LMNTD2: variants seen among roughly 807,000 people sequenced by gnomAD.
The protein encoded by LMNTD2 is lamin tail domain-containing protein 2.
A neutral mutation model predicts 70.1 loss-of-function variants in LMNTD2; 83 were observed. The observed-to-expected ratio is 1.18, with a 90% CI of 0.99 to 1.42. LMNTD2 has a LOEUF of 1.42. Ranked by LOEUF, LMNTD2 falls within the 40% of genes most tolerant of loss-of-function variation. The pLI, the probability that LMNTD2 is intolerant of heterozygous loss-of-function variation, is 0.00. For missense variants in LMNTD2, 1,153 were observed against 905.9 expected, an observed-to-expected ratio of 1.27 and a Z score of -3.50; for synonymous variants, 534 against 406.1, an observed-to-expected ratio of 1.31 and a Z score of -3.79.
In LMNTD2 at chr11:555,936, G is replaced by A. The variant is rs749383860; in HGVS notation, c.1378-6C>T. The A allele has an allele frequency of 1.9e-6, 3 of 1,557,594 alleles. No homozygotes were observed. Among genetic ancestry groups the A allele is most frequent in the Admixed American group, 1.9e-5 (1 of 52,710 alleles). ...ATCCGGTGCTCACTGAGGACCTGCG[G>A]GGCGCGTCGGTCACCCCCACACCCC... is the stretch of plus-strand genomic sequence containing the variant. On this transcript the variant is annotated splice_polypyrimidine_tract_variant and splice_region_variant and intron_variant, in intron 11 of 13. Coordinates refer to ENST00000329451, the MANE Select transcript of LMNTD2 (RefSeq NM_173573.3).
At position 555,453 on chromosome 11, in the gene LMNTD2, C is replaced by T; in HGVS notation, c.1625G>A (p.Arg542Gln). Residue 542 changes from arginine (R) to glutamine (Q), a missense_variant, in exon 13 of 14, where the codon CGG becomes CAG. By Grantham distance (43) the Arg-to-Gln change is conservative. Transcript: ENST00000329451. ...GTTCTCGGGCCGCGCAGGCCCCTCC[C>T]GCGCGTGGAAGAGCTTCCCCGAGCT... is the stretch of plus-strand genomic sequence containing the variant. ...PVSSGKLFHA[R>Q]EGPARPENPE... is the part of the protein sequence containing the mutation. 4 of 1,377,112 alleles carry T rather than the reference C, an allele frequency of 2.9e-6. No individual in the cohort carries two copies. Among genetic ancestry groups the T allele is most frequent in the Non-Finnish European group, 3.7e-6 (4 of 1,071,166 alleles). 85.3% of individuals were successfully genotyped at this position (1,377,112 alleles called of 1,614,324 possible).
chr11:556,155 C>G, intron 10 of LMNTD2, 37 bp downstream of exon 10: 1 of 1,313,824 alleles, frequency 7.6e-7, no homozygotes, highest in Non-Finnish European at 9.6e-7. Flanking sequence ...GCGGCCGGGC[C>G]GGGCCGTCGG....
In LMNTD2 at chr11:555,885, T is replaced by A; in HGVS notation, c.1423A>T (p.Arg475Trp). The change falls in exon 12 of 14, where the codon AGG becomes TGG. Residue 475 changes from arginine to tryptophan, a missense_variant. Transcript: ENST00000329451. Reference protein sequence around the residue: ...RIPRRETPAPRVFADGTDLSI... With the variant: ...RIPRRETPAPWVFADGTDLSI... ...AAGTCGGTGCCGTCGGCGAAGACCC[T>A]CGGGGCCGGAGTCTCGCGGCGTGGG... 1 of 1,564,848 alleles carries A rather than the reference T, an allele frequency of 6.4e-7. No homozygotes were observed. The highest frequency in any genetic ancestry group is 1.2e-5 in the South Asian group (1 of 86,510).
Position 557,062 on chromosome 11 carries a change from C to T in LMNTD2, c.749G>A (p.Ser250Asn). 2 of 1,606,794 alleles carry T rather than the reference C, an allele frequency of 1.2e-6. No individual in the cohort carries two copies. The highest frequency in any genetic ancestry group is 1.7e-6 in the Non-Finnish European group (2 of 1,177,626). ...GGAATGCTTTCCAGAGGACTCTGGG[C>T]TCCCTGTGTCCAGCTGTGGCCAGGG... ...PRPWPQLDTG[S>N]PESSGKHSER... Residue 250 changes from serine (S) to asparagine (N), a missense_variant, in exon 8 of 14, where the codon AGC (serine) becomes AAC (asparagine). Physicochemically the swap from Ser to Asn is conservative, Grantham distance 46. Coordinates refer to ENST00000329451, the MANE Select transcript of LMNTD2 (RefSeq NM_173573.3).
Position 555,746 on chromosome 11 carries a change from C to T in LMNTD2, c.1562G>A (p.Arg521His). ...KGRVREPRVS[R>H]RRPGTRGLLP... The stretch of plus-strand genomic sequence containing the variant: ...CCGCGGTCCCCACCCTGGTCTCCGG[C>T]GACTGACCCGGGGCTCCCGCACCCG... Residue 521 changes from arginine to histidine, a missense_variant, in exon 12 of 14, where the codon CGC becomes CAC. Arg to His is a conservative substitution (Grantham distance 29). Transcript: ENST00000329451. 4.2e-6 allele frequency: 6 copies of T among 1,413,858 alleles called. No homozygotes were observed. The highest frequency in any genetic ancestry group is 4.6e-6 in the Non-Finnish European group (5 of 1,096,164). The allele number at this position is 1,413,858 out of a possible 1,614,324, so 87.6% of individuals were successfully genotyped here. A position where few individuals can be genotyped will look rare whatever the true frequency, so the allele number is the denominator to read the frequency against.
chr11:560,732 G>C lies in LMNTD2; in HGVS notation c.-16C>G, dbSNP rs561079573. Reference sequence around the variant, plus strand: ...GCCACCGCATTTCCGCGTTTTTCGCGGTAGGCGGGAGGTGGGGGCGGGGAC... The same window carrying C: ...GCCACCGCATTTCCGCGTTTTTCGCCGTAGGCGGGAGGTGGGGGCGGGGAC... On this transcript the variant is annotated 5_prime_UTR_variant, in exon 1 of 14. Transcript: ENST00000329451. 2.1e-6 allele frequency: 3 copies of C among 1,427,098 alleles called. No individual in the cohort carries two copies. The highest frequency in any genetic ancestry group is 2.8e-6 in the Non-Finnish European group (3 of 1,083,488). 88.4% of individuals were successfully genotyped at this position (1,427,098 alleles called of 1,614,324 possible).
Position 555,787 on chromosome 11 carries a change from T to A in LMNTD2, c.1521A>T (p.Arg507=). The stretch of plus-strand genomic sequence containing the variant: ...CCCGCACCCGGCCTTTGCGCAGGGG[T>A]CGAGGTGGGCGCGGCGGCTTGCGGG... The part of the protein sequence containing the change: ...ADTRKPPRPP[R]PLRKGRVREP... Residue 507 remains arginine (R), a synonymous_variant, in exon 12 of 14, where the codon CGA becomes CGT. Coordinates refer to ENST00000329451, the MANE Select transcript of LMNTD2 (RefSeq NM_173573.3). The A allele has an allele frequency of 6.6e-7, 1 of 1,508,384 alleles. No individual in the cohort carries two copies. The highest frequency in any genetic ancestry group is 8.8e-7 in the Non-Finnish European group (1 of 1,141,262). The allele number at this position is 1,508,384 out of a possible 1,614,324, so 93.4% of individuals were successfully genotyped here.
rs530319559 is a variant in LMNTD2, at chr11:557,491, G to T, written c.625-4C>A. On this transcript the variant is annotated splice_region_variant and splice_polypyrimidine_tract_variant and intron_variant, in intron 6 of 13. Coordinates refer to ENST00000329451, the MANE Select transcript of LMNTD2 (RefSeq NM_173573.3). ...CCACGTCCTCCAGCCGAAAGCCCTGGCCAGGAAGCAAGAGGCACATGGTCC... is the reference window on the plus strand; with the variant it reads ...CCACGTCCTCCAGCCGAAAGCCCTGTCCAGGAAGCAAGAGGCACATGGTCC... 6.2e-7 allele frequency: 1 copy of T among 1,612,870 alleles called. No homozygotes were observed. The highest frequency in any genetic ancestry group is 8.5e-7 in the Non-Finnish European group (1 of 1,179,570).
In LMNTD2 at chr11:558,965, T is replaced by G. The variant is rs756775710; in HGVS notation, c.49A>C (p.Ser17Arg). 2 of 1,601,866 alleles carry G rather than the reference T, an allele frequency of 1.2e-6. No individual in the cohort carries two copies. The highest frequency in any genetic ancestry group is 1.7e-5 in the Admixed American group (1 of 60,000). The change falls in exon 2 of 14, where the codon AGT becomes CGT. Residue 17 changes from serine to arginine, a missense_variant. Transcript: ENST00000329451. Reference protein sequence around the residue: ...AGRRREQESVSGHLGPPAGAP... With the variant: ...AGRRREQESVRGHLGPPAGAP... ...CCTGCTGGAGGTCCCAGGTGACCAC[T>G]GACCGACTCTTGCTCTGTGGGGGAC...
chr11:555,135 G>T lies in LMNTD2; in HGVS notation c.1774-24C>A, dbSNP rs559097180. ...ACCTGGGGGGCGCGGGGGCTGAGAG[G>T]CGCGCGGGGCGGGGCGGGGACGGGA... On this transcript the variant is annotated intron_variant, in intron 13 of 13. Coordinates refer to ENST00000329451, the MANE Select transcript of LMNTD2 (RefSeq NM_173573.3). 1.8e-4 allele frequency: 203 copies of T among 1,126,500 alleles called. 3 individuals are homozygous for T. The South Asian group carries it at 3.7e-3, about 20-fold the overall frequency. The allele number at this position is 1,126,500 out of a possible 1,614,324, so 69.8% of individuals were successfully genotyped here. A position where few individuals can be genotyped will look rare whatever the true frequency, so the allele number is the denominator to read the frequency against.
chr11:556,530 GCAGGGCTGGGGCGA>G lies in LMNTD2; in HGVS notation c.1021_1034del (p.Ser341HisfsTer118). On this transcript the variant is annotated frameshift_variant, in exon 9 of 14. Transcript: ENST00000329451. LOFTEE classifies it high-confidence loss of function. ...CCGGGCTCCAGTGGTCCGGGTCTGT[GCAGGGCTGGGGCGA>G]CAGGACCGGCTCGCCGTGCCTGGGT... The G allele has an allele frequency of 6.4e-7, 1 of 1,561,328 alleles. No individual in the cohort carries two copies. Among genetic ancestry groups the G allele is most frequent in the African/African-American group, 1.4e-5 (1 of 73,804 alleles).
intron 3 of LMNTD2, 89 bp from the exon 4 acceptor site, chr11:558,337 G>C: frequency 7.1e-7 from 1 of 1,416,076 alleles, no homozygotes; most frequent in South Asian, 1.3e-5. Flanking sequence ...GAGAAGGAGG[G>C]GCTCCACTGC....
chr11:556,794 G>A (rs113916461), intron 8 of LMNTD2, 41 bp downstream of exon 8: 18 of 1,507,190 alleles, frequency 1.2e-5, no homozygotes, highest in African/African-American at 8.3e-5. Context: ...GGGGGTGGAG[G>A]GTGGGTGAAG....
chr11:559,791 G>T, intron 1 of LMNTD2: 1 of 1,039,042 alleles, frequency 9.6e-7, no homozygotes, highest in Non-Finnish European at 1.2e-6. Flanking sequence ...ACAGGGTCTT[G>T]CTCCGCTGTC....
At chr11:558,106 C>G in intron 4 of LMNTD2, 55 bp downstream of exon 4, 2 of 1,606,014 alleles carry the variant, frequency 1.2e-6, no homozygotes, top group Non-Finnish European at 1.7e-6. Flanking sequence ...CAGGCCAGCC[C>G]CAGCCTGGCT....
chr11:557,120 T>C (rs1852940353), intron 7 of LMNTD2, 23 bp from the exon 8 acceptor site: 1 of 1,564,594 alleles, frequency 6.4e-7, no homozygotes, highest in South Asian at 1.2e-5. Flanking sequence ...CTCTGCTTGA[T>C]GGCCACTCCA....
chr11:557,544 G>C (rs767445647), intron 6 of LMNTD2, 28 bp downstream of exon 6: 1 of 1,613,444 alleles, frequency 6.2e-7, no homozygotes, highest in East Asian at 2.2e-5. Flanking sequence ...CCAGATACCA[G>C]ACCACACACG....
At chr11:558,126 C>T (rs750045663) in intron 4 of LMNTD2, 35 bp downstream of exon 4, 10 of 1,610,666 alleles carry the variant, frequency 6.2e-6, no homozygotes, top group Non-Finnish European at 8.5e-6. Flanking sequence ...TCCCCAACAC[C>T]AGGACCCTGC....
At position 557,411 on chromosome 11, in the gene LMNTD2, C is replaced by G; in HGVS notation, c.701G>C (p.Ser234Thr). The G allele has an allele frequency of 6.2e-7, 1 of 1,604,976 alleles. No individual in the cohort carries two copies. Among genetic ancestry groups the G allele is most frequent in the Non-Finnish European group, 8.5e-7 (1 of 1,175,536 alleles). The change falls in exon 7 of 14, where the codon AGC becomes ACC. Residue 234 changes from serine (S) to threonine (T), a missense_variant. Physicochemically the swap from Ser to Thr is moderately conservative, Grantham distance 58. Coordinates refer to ENST00000329451, the MANE Select transcript of LMNTD2 (RefSeq NM_173573.3). ...YPNLFTNMEP[S>T]SKQKQPRPWP... ...TCTGTGCAGTTACTTTTGCTTTGAGCTGGGCTCCATGTTGGTGAAGAGGTT... is the reference window on the plus strand; with the variant it reads ...TCTGTGCAGTTACTTTTGCTTTGAGGTGGGCTCCATGTTGGTGAAGAGGTT...
Sources: allele counts gnomAD v4.1 joint callset, GRCh38; gene constraint gnomAD v4.1.1; transcripts MANE v1.5; gene names NCBI Gene and HGNC (gene_info 2026-07-23, HGNC 2026-07-21).